The following VPS13B variants were observed in gnomAD, a reference collection of about 807,000 sequenced individuals.
VPS13B encodes the protein vacuolar protein sorting 13 homolog B.
In VPS13B, 285 loss-of-function variants were observed where a neutral mutation model predicts 426.4. The observed-to-expected ratio is 0.67, with a 90% CI of 0.61 to 0.74. The LOEUF (loss-of-function observed/expected upper bound fraction) is 0.74. Among genes scored for constraint, VPS13B ranks in the 30% least tolerant of loss-of-function variants. The pLI, the probability that VPS13B is intolerant of heterozygous loss-of-function variation, is 0.00. For missense variants in VPS13B, 4,537 were observed against 4,782.6 expected (o/e 0.95, Z 1.51); for synonymous variants, 1,676 against 1,676.4 (o/e 1.00, Z 0.01).
At position 99,400,556 on chromosome 8, in the gene VPS13B, T is replaced by C. The variant is rs558259748; in HGVS notation, c.3082+8852T>C. Among the ~76,000 whole-genome samples, 11 of 152,360 alleles carry C rather than the reference T, an allele frequency of 7.2e-5. No homozygotes were observed. The South Asian group carries it at 2.3e-3, about 32-fold the overall frequency. The stretch of plus-strand genomic sequence containing the variant: ...CTATATGTATCACTATTTAATGTAA[T>C]AAAGCGTGTAAGGTTATTTTAATTT... On this transcript the variant is annotated intron_variant, in intron 21 of 61. Transcript: ENST00000357162.
At chr8:99,370,539 A>G (rs557780963) in intron 19 of VPS13B, among the ~76,000 whole-genome samples, 210 of 151,904 alleles carry the variant, frequency 1.4e-3, no homozygotes, top group Non-Finnish European at 2.2e-3. Flanking sequence ...GCAGAAGAAT[A>G]ACTTAATCTG....
intron 35 of VPS13B, among the ~76,000 whole-genome samples, chr8:99,684,635 C>T (rs1235782818): frequency 1.3e-5 from 2 of 152,172 alleles, no homozygotes; most frequent in African/African-American, 4.8e-5. Context: ...TCAAAATTCT[C>T]AAATAGCTGC....
intron 24 of VPS13B, among the ~76,000 whole-genome samples, chr8:99,474,354 AATTTTTGT>A: frequency 6.6e-6 from 1 of 151,686 alleles, no homozygotes; most frequent in African/African-American, 2.4e-5. Context: ...ACACCTGGCT[AATTTTTGT>A]ATTTTTGTAG....
chr8:99,379,557 C>T (rs992241729), intron 19 of VPS13B, among the ~76,000 whole-genome samples: 5 of 152,108 alleles, frequency 3.3e-5, no homozygotes, highest in Non-Finnish European at 7.4e-5. Context: ...CTATCTTTCA[C>T]TTTCTCCAAC....
intron 35 of VPS13B, among the ~76,000 whole-genome samples, chr8:99,691,748 A>C (rs1366660085): frequency 6.8e-6 from 1 of 147,614 alleles, no homozygotes; most frequent in Non-Finnish European, 1.5e-5. Context: ...ACAGACTGGC[A>C]AGTTGGATAA....
intron 17 of VPS13B, among the ~76,000 whole-genome samples, chr8:99,219,935 A>G (rs1588149956): frequency 6.6e-6 from 1 of 152,196 alleles, no homozygotes; most frequent in Admixed American, 6.5e-5. Context: ...AGGGGCAGCT[A>G]CCTTACTCAG....
intron 33 of VPS13B, among the ~76,000 whole-genome samples, chr8:99,599,513 T>C (rs1827185001): frequency 6.6e-6 from 1 of 152,076 alleles, no homozygotes; most frequent in African/African-American, 2.4e-5. Context: ...AGCAGGCTGT[T>C]CAAAATAATT....
chr8:99,445,937 T>G (rs977526255), intron 23 of VPS13B, among the ~76,000 whole-genome samples: 9 of 152,250 alleles, frequency 5.9e-5, no homozygotes, highest in African/African-American at 2.2e-4. Flanking sequence ...ATTAGCTATA[T>G]GGTTTCTGTT....
chr8:99,295,258 A>C (rs1376930780), intron 19 of VPS13B, among the ~76,000 whole-genome samples: 1 of 152,196 alleles, frequency 6.6e-6, no homozygotes, highest in Non-Finnish European at 1.5e-5. Context: ...AACTTTATAT[A>C]CAGGTTAATG....
chr8:99,126,363 A>T (rs1446235187), intron 8 of VPS13B, among the ~76,000 whole-genome samples: 1 of 152,180 alleles, frequency 6.6e-6, no homozygotes, highest in African/African-American at 2.4e-5. Flanking sequence ...TTCACTAGGG[A>T]CACTAAGGAC....
intron 39 of VPS13B, among the ~76,000 whole-genome samples, chr8:99,722,480 TAA>T (rs1398706957): frequency 6.6e-6 from 1 of 151,940 alleles, no homozygotes; most frequent in South Asian, 2.1e-4. Context: ...CATATTAATA[TAA>T]GTCATATTAC....
At chr8:99,459,477 C>A (rs1486365065) in intron 23 of VPS13B, among the ~76,000 whole-genome samples, 1 of 152,130 alleles carries the variant, frequency 6.6e-6, no homozygotes, top group Non-Finnish European at 1.5e-5. Context: ...ATAGAATATA[C>A]ATATACAAAG....
At chr8:99,542,590 G>C (rs1588478569) in intron 30 of VPS13B, among the ~76,000 whole-genome samples, 1 of 152,146 alleles carries the variant, frequency 6.6e-6, no homozygotes, top group Non-Finnish European at 1.5e-5. Flanking sequence ...AAGTGATTGA[G>C]ATCAGACTGT....
At chr8:99,444,607 AT>A (rs1817824518) in intron 23 of VPS13B, among the ~76,000 whole-genome samples, 1 of 152,072 alleles carries the variant, frequency 6.6e-6, no homozygotes, top group South Asian at 2.1e-4. Context: ...CTAATGACTA[AT>A]AATGTTGAAC....
At chr8:99,039,368 C>A (rs1842877344) in intron 3 of VPS13B, among the ~76,000 whole-genome samples, 2 of 151,812 alleles carry the variant, frequency 1.3e-5, no homozygotes, top group African/African-American at 4.8e-5. Context: ...CTTCTCTGAC[C>A]CATCTTACAT....
intron 19 of VPS13B, among the ~76,000 whole-genome samples, chr8:99,297,562 T>C (rs1437290634): frequency 1.3e-5 from 2 of 152,206 alleles, no homozygotes; most frequent in African/African-American, 4.8e-5. Context: ...TTTTTTCTTT[T>C]TACAAAATGA....
intron 20 of VPS13B, among the ~76,000 whole-genome samples, chr8:99,384,822 G>A (rs975656691): frequency 1.7e-4 from 26 of 152,156 alleles, no homozygotes; most frequent in African/African-American, 5.8e-4. Flanking sequence ...TGGGATTACA[G>A]GCATGTGCCA....
chr8:99,097,963 AC>A lies in VPS13B; in HGVS notation c.412+1532del, dbSNP rs1048006132. On this transcript the variant is annotated intron_variant, in intron 4 of 61. Coordinates refer to ENST00000357162, the MANE Select transcript of VPS13B (RefSeq NM_152564.5). ...AGACAGTATACATTTCTTTTGATGC[AC>A]ACATTGAGTATCTACAGATATTAAC... 4.6e-4 allele frequency among the ~76,000 whole-genome samples: 70 copies of A among 152,284 alleles called. 1 individual carries two copies. The highest frequency in any genetic ancestry group is 4.4e-3 in the Admixed American group (68 of 15,300).
At position 99,739,294 on chromosome 8, in the gene VPS13B, T is replaced by A. The variant is rs563090127; in HGVS notation, c.7050+18247T>A. Among the ~76,000 whole-genome samples, 14 of 152,314 alleles carry A rather than the reference T, an allele frequency of 9.2e-5. No homozygotes were observed. The East Asian group carries it at 2.7e-3, about 29-fold the overall frequency. On this transcript the variant is annotated intron_variant, in intron 39 of 61. Coordinates refer to ENST00000357162, the MANE Select transcript of VPS13B (RefSeq NM_152564.5). ...CTGGGGGAGGGGCGCCCGCCATTGC[T>A]GAGGCTTGAGTAGGTAAACAAAGTG...
Sources: gnomAD v4.1 joint callset for allele counts (sites outside exome capture counted in the v4.1 genomes callset) on GRCh38, gnomAD v4.1.1 for gene constraint, MANE v1.5 for transcripts, NCBI Gene and HGNC (gene_info 2026-07-23, HGNC 2026-07-21) for gene names.